ARHGAP24: variants seen among roughly 807,000 people sequenced by gnomAD.
ARHGAP24 encodes the protein rho GTPase-activating protein 24.
ARHGAP24 carries 50 observed loss-of-function variants against 76.4 expected under a neutral mutation model. That is an observed-to-expected ratio of 0.65 (90% CI 0.52 to 0.83). ARHGAP24 has a LOEUF of 0.83. Ranked by LOEUF, ARHGAP24 falls within the 40% of genes least tolerant of loss-of-function variation. The pLI, the probability that ARHGAP24 is intolerant of heterozygous loss-of-function variation, is 0.00. For synonymous variants in ARHGAP24, 345 were observed against 323.3 expected, an observed-to-expected ratio of 1.07 and a Z score of -0.72; for missense variants, 930 against 914.2, an observed-to-expected ratio of 1.02 and a Z score of -0.22.
chr4:85,727,991 T>A (rs1233681880), intron 3 of ARHGAP24, among the ~76,000 whole-genome samples: 2 of 151,936 alleles, frequency 1.3e-5, no homozygotes, highest in African/African-American at 4.8e-5. Context: ...GTGATTTTTA[T>A]CTGCCTGGAA....
chr4:85,756,907 C>T (rs1306693707), intron 3 of ARHGAP24, among the ~76,000 whole-genome samples: 1 of 152,146 alleles, frequency 6.6e-6, no homozygotes, highest in African/African-American at 2.4e-5. Flanking sequence ...AATCCTATAG[C>T]AATAGTCAAA....
chr4:85,930,848 G>C, intron 4 of ARHGAP24: 1 of 1,603,140 alleles, frequency 6.2e-7, no homozygotes, highest in Non-Finnish European at 8.5e-7. Flanking sequence ...AAGTAAACAA[G>C]CATGAGGAGT....
intron 3 of ARHGAP24, among the ~76,000 whole-genome samples, chr4:85,824,988 G>T (rs1330603794): frequency 6.6e-6 from 1 of 152,098 alleles, no homozygotes; most frequent in Non-Finnish European, 1.5e-5. Context: ...TACTAGGGAG[G>T]CTGAGGCAAG....
intron 2 of ARHGAP24, among the ~76,000 whole-genome samples, chr4:85,649,298 C>T (rs1260838387): frequency 2.0e-5 from 3 of 152,062 alleles, no homozygotes; most frequent in Non-Finnish European, 4.4e-5. Flanking sequence ...TTAAATCAGG[C>T]ATTGTGTTTT....
At chr4:85,571,333 G>A (rs964580636) in intron 2 of ARHGAP24, among the ~76,000 whole-genome samples, 4 of 152,222 alleles carry the variant, frequency 2.6e-5, no homozygotes, top group African/African-American at 9.6e-5. Flanking sequence ...TCTCAAGACT[G>A]CAATGAGAGA....
intron 1 of ARHGAP24, among the ~76,000 whole-genome samples, chr4:85,537,568 AC>A (rs1725518751): frequency 6.6e-6 from 1 of 152,148 alleles, no homozygotes; most frequent in African/African-American, 2.4e-5. Flanking sequence ...ATGTTCTCAT[AC>A]AAAAAAAAAG....
intron 4 of ARHGAP24, among the ~76,000 whole-genome samples, chr4:85,928,831 A>C (rs535753046): frequency 6.6e-6 from 1 of 152,162 alleles, no homozygotes; most frequent in African/African-American, 2.4e-5. Flanking sequence ...TTTCCTGTAT[A>C]TTTCTGCCTC....
At chr4:85,547,114 T>A (rs772824931) in intron 1 of ARHGAP24, among the ~76,000 whole-genome samples, 10 of 152,214 alleles carry the variant, frequency 6.6e-5, no homozygotes, top group Non-Finnish European at 2.9e-5. Context: ...TCACATTTCA[T>A]CTATTTGCCC....
chr4:85,493,434 C>T (rs954026758), intron 1 of ARHGAP24, among the ~76,000 whole-genome samples: 2 of 152,220 alleles, frequency 1.3e-5, no homozygotes, highest in African/African-American at 4.8e-5. Flanking sequence ...TTTTCCCTTA[C>T]CCCCCACTTA....
chr4:85,868,310 A>G (rs1271958925), intron 3 of ARHGAP24, among the ~76,000 whole-genome samples: 1 of 152,144 alleles, frequency 6.6e-6, no homozygotes, highest in Non-Finnish European at 1.5e-5. Context: ...ATGAAGTCTC[A>G]TAGGTGGCCC....
chr4:85,904,076 G>A (rs1029319444), intron 3 of ARHGAP24, among the ~76,000 whole-genome samples: 1 of 152,134 alleles, frequency 6.6e-6, no homozygotes. Flanking sequence ...AGGCCATGAA[G>A]CCTATTTTTC....
At chr4:85,505,650 T>C (rs1724013256) in intron 1 of ARHGAP24, among the ~76,000 whole-genome samples, 5 of 152,018 alleles carry the variant, frequency 3.3e-5, no homozygotes, top group Admixed American at 3.3e-4. Flanking sequence ...TTTTAGCTTC[T>C]GCTTGTGATG....
intron 1 of ARHGAP24, among the ~76,000 whole-genome samples, chr4:85,489,649 A>T (rs146453959): frequency 2.4e-3 from 364 of 152,280 alleles, no homozygotes; most frequent in African/African-American, 8.3e-3. Flanking sequence ...GAAGCTTTGA[A>T]AAATATAGGA....
chr4:85,487,428 ATATATAAATATATATTTATTATATAT>A (rs1723123435), intron 1 of ARHGAP24, among the ~76,000 whole-genome samples: 1 of 99,048 alleles, frequency 1.0e-5, no homozygotes, highest in African/African-American at 4.0e-5. Context: ...TATTATATAA[ATATATAAATATATATTTATTATATAT>A]TATATAAACA....
At chr4:85,734,528 G>A (rs1270197310) in intron 3 of ARHGAP24, among the ~76,000 whole-genome samples, 1 of 151,574 alleles carries the variant, frequency 6.6e-6, no homozygotes, top group African/African-American at 2.4e-5. Flanking sequence ...GCTTTCTGTA[G>A]TGAATTACCA....
intron 2 of ARHGAP24, among the ~76,000 whole-genome samples, chr4:85,691,115 C>T (rs1171193883): frequency 6.6e-6 from 1 of 152,104 alleles, no homozygotes; most frequent in Non-Finnish European, 1.5e-5. Context: ...AGGAGTTATT[C>T]AGGAGCAAGT....
intron 3 of ARHGAP24, among the ~76,000 whole-genome samples, chr4:85,870,620 A>C: frequency 6.6e-6 from 1 of 152,184 alleles, no homozygotes; most frequent in Non-Finnish European, 1.5e-5. Context: ...TGATACGAAC[A>C]TACGAGTGCT....
intron 2 of ARHGAP24, among the ~76,000 whole-genome samples, chr4:85,650,828 A>C (rs1218121034): frequency 6.7e-6 from 1 of 149,462 alleles, no homozygotes; most frequent in African/African-American, 2.6e-5. Flanking sequence ...ATTGATCCTA[A>C]AGGAGGTCAT....
chr4:85,568,481 T>A (rs1329735296), intron 1 of ARHGAP24, among the ~76,000 whole-genome samples: 1 of 152,204 alleles, frequency 6.6e-6, no homozygotes, highest in Non-Finnish European at 1.5e-5. Context: ...TAGGGTGGTC[T>A]AGCTAAGCAT....
Sources: allele counts gnomAD v4.1 joint callset (sites outside exome capture counted in the v4.1 genomes callset), GRCh38; gene constraint gnomAD v4.1.1; transcripts MANE v1.5; gene names NCBI Gene and HGNC (gene_info 2026-07-23, HGNC 2026-07-21).